PCDH15: variants seen among roughly 807,000 people sequenced by gnomAD.
PCDH15 encodes the protein protocadherin related 15.
Under a neutral mutation model 178.5 loss-of-function variants are expected in PCDH15, and 129 were observed. The ratio of observed to expected loss-of-function variants is 0.72; its 90% CI spans 0.63 to 0.84. The LOEUF is 0.84. Among genes scored for constraint, PCDH15 ranks in the 40% least tolerant of loss-of-function variants. The pLI is 0.00. For synonymous variants in PCDH15, 800 were observed against 732.0 expected (o/e 1.09, Z -1.50); for missense variants, 2,230 against 2,099.9 (o/e 1.06, Z -1.21).
Position 54,242,175 on chromosome 10 carries a change from TATATATATATATACAC to T in PCDH15, c.877-5260_877-5245del, listed in dbSNP as rs1356978319. Among the ~76,000 whole-genome samples the T allele has an allele frequency of 2.3e-3, 209 of 89,512 alleles. 9 individuals are homozygous for T. Among genetic ancestry groups the T allele is most frequent in the African/African-American group, 9.6e-3 (195 of 20,298 alleles). The allele number at this position is 89,512 out of a possible 152,430, so 58.7% of individuals were successfully genotyped here. A position where few individuals can be genotyped will look rare whatever the true frequency, so the allele number is the denominator to read the frequency against. ...ATATATATATATATATATATATATA[TATATATATATATACAC>T]ACACACACATACATACATACACATA... On this transcript the variant is annotated intron_variant, in intron 8 of 37. Coordinates refer to ENST00000644397, the MANE Select transcript of PCDH15 (RefSeq NM_001384140.1).
At chr10:55,192,124 T>C (rs1456417134) in intron 1 of PCDH15, among the ~76,000 whole-genome samples, 1 of 151,716 alleles carries the variant, frequency 6.6e-6, no homozygotes, top group Non-Finnish European at 1.5e-5. Flanking sequence ...GACAAGGCAA[T>C]GTGGAACAGG....
chr10:54,189,377 G>C lies in PCDH15; in HGVS notation c.1306-4109C>G, dbSNP rs1485805880. On this transcript the variant is annotated intron_variant, in intron 11 of 37. Transcript: ENST00000644397. Reference sequence around the variant, plus strand: ...CCTAGTACCTACAGGAACTCCACTGGGTGGAACCTATACGCAAATTAAACA... The same window carrying C: ...CCTAGTACCTACAGGAACTCCACTGCGTGGAACCTATACGCAAATTAAACA... 11 of 1,562,766 alleles carry C rather than the reference G, an allele frequency of 7.0e-6. No homozygotes were observed. In the African/African-American group the frequency reaches 9.5e-5, roughly 14 times the overall value.
At chr10:54,524,028 C>G (rs1156475407) in intron 3 of PCDH15, among the ~76,000 whole-genome samples, 1 of 152,142 alleles carries the variant, frequency 6.6e-6, no homozygotes, top group Non-Finnish European at 1.5e-5. Flanking sequence ...ACCTTTATTT[C>G]AAAGCCAGTA....
chr10:54,055,266 T>C (rs2093861096), intron 18 of PCDH15, among the ~76,000 whole-genome samples: 1 of 152,210 alleles, frequency 6.6e-6, no homozygotes, highest in African/African-American at 2.4e-5. Context: ...TGTTTTAAGT[T>C]AAATAAATTC....
chr10:54,947,486 G>T (rs1390486670), intron 2 of PCDH15, among the ~76,000 whole-genome samples: 1 of 151,828 alleles, frequency 6.6e-6, no homozygotes, highest in East Asian at 1.9e-4. Flanking sequence ...CTTGCCCAAG[G>T]TCACACAGCT....
intron 2 of PCDH15, among the ~76,000 whole-genome samples, chr10:54,994,516 C>T (rs1470262084): frequency 6.6e-6 from 1 of 151,946 alleles, no homozygotes; most frequent in Non-Finnish European, 1.5e-5. Flanking sequence ...TTTGTGATCT[C>T]CGTGAGTTCT....
chr10:54,752,493 AAAAAAC>A lies in PCDH15; in HGVS notation c.-29+48426_-29+48431del, dbSNP rs1566127514. On this transcript the variant is annotated intron_variant, in intron 1 of 37. Transcript: ENST00000644397. ...CTCCGTCTCAAAAAAAAAAAAAAAC[AAAAAAC>A]AAAAAACAAAAAACAAACAAACAAA... 1.6e-4 allele frequency among the ~76,000 whole-genome samples: 11 copies of A among 67,808 alleles called. 2 individuals carry two copies. Among genetic ancestry groups the A allele is most frequent in the East Asian group, 2.8e-4 (1 of 3,586 alleles). 44.5% of individuals were successfully genotyped at this position (67,808 alleles called of 152,430 possible).
chr10:54,600,275 TG>T, intron 2 of PCDH15: 1 of 539,462 alleles, frequency 1.9e-6, no homozygotes, highest in Middle Eastern at 3.5e-4. Flanking sequence ...TGGGAGGAAA[TG>T]GGGAATGAGA....
At chr10:54,228,017 C>T (rs753756712) in intron 9 of PCDH15, among the ~76,000 whole-genome samples, 8 of 152,230 alleles carry the variant, frequency 5.3e-5, no homozygotes, top group Middle Eastern at 3.4e-3. Flanking sequence ...CAAACTTTCT[C>T]GCATCTTCCT....
chr10:55,302,262 T>G (rs910083128), intron 1 of PCDH15, among the ~76,000 whole-genome samples: 5 of 152,166 alleles, frequency 3.3e-5, no homozygotes, highest in Non-Finnish European at 7.4e-5. Flanking sequence ...TTTTATTAAT[T>G]TATTTCATAA....
intron 3 of PCDH15, among the ~76,000 whole-genome samples, chr10:54,410,937 G>T (rs534114860): frequency 1.3e-5 from 2 of 152,208 alleles, no homozygotes; most frequent in South Asian, 4.1e-4. Flanking sequence ...GACTCTGCAG[G>T]TTTCAATTAT....
At chr10:54,874,620 A>C (rs1415733553) in intron 3 of PCDH15, among the ~76,000 whole-genome samples, 4 of 152,174 alleles carry the variant, frequency 2.6e-5, no homozygotes, top group Admixed American at 6.5e-5. Context: ...CAGAGTTAAC[A>C]GTTTTCTTTA....
chr10:54,834,811 G>T (rs1446297732), intron 3 of PCDH15, among the ~76,000 whole-genome samples: 2 of 152,096 alleles, frequency 1.3e-5, no homozygotes, highest in African/African-American at 2.4e-5. Flanking sequence ...TTGTGAAAAT[G>T]AATTTTTTTT....
chr10:53,941,501 T>C (rs2086063735), intron 23 of PCDH15, among the ~76,000 whole-genome samples: 1 of 152,206 alleles, frequency 6.6e-6, no homozygotes, highest in Non-Finnish European at 1.5e-5. Flanking sequence ...CTTGATTGCT[T>C]ATTTCATTTT....
At chr10:54,530,361 T>C (rs1330200852) in intron 2 of PCDH15, among the ~76,000 whole-genome samples, 1 of 152,176 alleles carries the variant, frequency 6.6e-6, no homozygotes, top group Non-Finnish European at 1.5e-5. Context: ...CATTCTAGAT[T>C]AAGTCCTTAT....
In PCDH15 at chr10:54,193,440, C is replaced by T. The variant is rs185687486; in HGVS notation, c.1305+2243G>A. On this transcript the variant is annotated intron_variant, in intron 11 of 37. Transcript: ENST00000644397. ...TTAAGGTATGACCTAAGCTATCATA[C>T]ACTTTCAAATTGATTAGTCACTACT... Among the ~76,000 whole-genome samples, 3 of 152,320 alleles carry T rather than the reference C, an allele frequency of 2.0e-5. No homozygotes were observed. In the East Asian group the frequency reaches 5.8e-4, roughly 29 times the overall value.
chr10:54,780,707 A>T (rs984922512), intron 1 of PCDH15, among the ~76,000 whole-genome samples: 1 of 149,908 alleles, frequency 6.7e-6, no homozygotes, highest in Non-Finnish European at 1.5e-5. Flanking sequence ...GCATTTTTAC[A>T]CTCATCAGGT....
At chr10:54,955,995 C>T (rs1388942696) in intron 2 of PCDH15, among the ~76,000 whole-genome samples, 1 of 151,298 alleles carries the variant, frequency 6.6e-6, no homozygotes, top group East Asian at 1.9e-4. Flanking sequence ...TACTGAATTT[C>T]ACTTTGAAAT....
intron 15 of PCDH15, among the ~76,000 whole-genome samples, chr10:54,105,277 G>GATATAT (rs55696020): frequency 6.1e-4 from 55 of 90,456 alleles, no homozygotes; most frequent in East Asian, 2.8e-3. Context: ...TATAGATGGA[G>GATATAT]ATATATATAT....
Sources: allele counts gnomAD v4.1 joint callset (sites outside exome capture counted in the v4.1 genomes callset), GRCh38; gene constraint gnomAD v4.1.1; transcripts MANE v1.5; gene names NCBI Gene and HGNC (gene_info 2026-07-23, HGNC 2026-07-21).